Variants in BPIFB3 observed in about 807,000 individuals in gnomAD.
BPIFB3 encodes BPI fold-containing family B member 3.
In BPIFB3, 49 loss-of-function variants were observed where a neutral mutation model predicts 53.1. The observed-to-expected ratio is 0.92, with a 90% CI of 0.73 to 1.17. The LOEUF (loss-of-function observed/expected upper bound fraction) is 1.17. BPIFB3 is among the 50% of genes most tolerant of loss of function. The probability of loss-of-function intolerance (pLI) is 0.00; values close to 1 mark genes in which losing one functional copy is unlikely to be tolerated. For missense variants in BPIFB3, 628 were observed against 592.5 expected (o/e 1.06, Z -0.62); for synonymous variants, 271 against 269.6 (o/e 1.01, Z -0.05).
intron 3 of BPIFB3, 76 bp from the exon 5 acceptor site, chr20:33,059,815 G>A: frequency 1.3e-6 from 2 of 1,554,368 alleles, no homozygotes; most frequent in Non-Finnish European, 1.7e-6. Flanking sequence ...TAGGCCACTG[G>A]CAGGGCCACC....
At chr20:33,070,223 C>T (rs1980829739) in intron 11 of BPIFB3, among the ~76,000 whole-genome samples, 2 of 152,132 alleles carry the variant, frequency 1.3e-5, no homozygotes, top group African/African-American at 4.8e-5. Context: ...AAAGATAAAC[C>T]TGCCGCCAGG....
rs1980521464 is a variant in BPIFB3, at chr20:33,063,098, C to G, written c.592-517C>G. On this transcript the variant is annotated intron_variant, in intron 5 of 14. Transcript: ENST00000375494. The stretch of plus-strand genomic sequence containing the variant: ...TTCTGAAAGTTGAACCACTTGCTCC[C>G]TATTCTCCTAGCACAGGGGTTAGGA... Among the ~76,000 whole-genome samples, 3 of 152,186 alleles carry G rather than the reference C, an allele frequency of 2.0e-5. 1 individual carries two copies. The South Asian group carries it at 6.2e-4, about 32-fold the overall frequency.
At chr20:33,059,400 C>T (rs371677418) in exon 3 of BPIFB3, 28 of 1,612,324 alleles carry the variant, frequency 1.7e-5, no homozygotes, top group Non-Finnish European at 2.2e-5. Context: ...GGAGCTCACG[C>T]TGCCAAAGGT....
rs113290809 is a variant in BPIFB3 at position 33,069,120 on chromosome 20, C to T, written c.1149+147C>T. Reference sequence around the variant, plus strand: ...CAGGAAGCCCCCCGCCCCACAACCACTGTCATCATCTGGGCTGAGACCCAA... The same window carrying T: ...CAGGAAGCCCCCCGCCCCACAACCATTGTCATCATCTGGGCTGAGACCCAA... On this transcript the variant is annotated intron_variant, in intron 10 of 14. Coordinates refer to ENST00000375494, the Ensembl canonical transcript of BPIFB3. The T allele has an allele frequency of 4.6e-6, 4 of 873,812 alleles. No homozygotes were observed. The African/African-American group carries it at 5.1e-5, about 11-fold the overall frequency. 54.1% of individuals were successfully genotyped at this position (873,812 alleles called of 1,614,324 possible).
exon 10 of BPIFB3, chr20:33,068,818 C>T (rs751671844): frequency 1.9e-6 from 3 of 1,613,694 alleles, no homozygotes; most frequent in East Asian, 2.2e-5. Context: ...GGGGAAGCTG[C>T]CCCTGCACCA....
exon 8 of BPIFB3, chr20:33,064,770 A>G (rs1189146707): frequency 1.2e-6 from 2 of 1,613,954 alleles, no homozygotes; most frequent in African/African-American, 2.7e-5. Flanking sequence ...TGATGGTGCC[A>G]CTGTACCTCT....
At chr20:33,070,056 T>A in intron 11 of BPIFB3, 101 bp downstream of exon 12, 1 of 1,378,422 alleles carries the variant, frequency 7.3e-7, no homozygotes. Context: ...TCAGCGCAAT[T>A]CCAGGTGTTT....
At chr20:33,063,387 C>T (rs923156463) in intron 5 of BPIFB3, among the ~76,000 whole-genome samples, 5 of 152,144 alleles carry the variant, frequency 3.3e-5, no homozygotes, top group Non-Finnish European at 7.4e-5. Flanking sequence ...TCTAATGGGG[C>T]TCTTGTAACC....
rs552848452 is a variant in BPIFB3, at chr20:33,068,341, T to A, written c.979-462T>A. ...CCTCAGTGAGGAGGTAACATTTGAGTGAAGGAGGTGAGTGAGGGAACTTTG... is the reference window on the plus strand; with the variant it reads ...CCTCAGTGAGGAGGTAACATTTGAGAGAAGGAGGTGAGTGAGGGAACTTTG... On this transcript the variant is annotated intron_variant, in intron 9 of 14. Coordinates refer to ENST00000375494, the Ensembl canonical transcript of BPIFB3. 6.3e-4 allele frequency among the ~76,000 whole-genome samples: 96 copies of A among 151,932 alleles called. 1 individual carries two copies. The highest frequency in any genetic ancestry group is 2.9e-3 in the Admixed American group (44 of 15,264).
chr20:33,059,257 G>T, intron 2 of BPIFB3, 121 bp from the exon 4 acceptor site: 1 of 666,824 alleles, frequency 1.5e-6, no homozygotes, highest in Non-Finnish European at 2.7e-6. Flanking sequence ...ATGGGCCAAG[G>T]GCTCGCAGCT....
chr20:33,073,623 C>T, exon 15 of BPIFB3: 1 of 1,613,826 alleles, frequency 6.2e-7, no homozygotes, highest in Non-Finnish European at 8.5e-7. Flanking sequence ...ACATGGCCAC[C>T]AGCCTTCCCT....
chr20:33,054,589 T>A (rs950232032), upstream of BPIFB3, among the ~76,000 whole-genome samples: 1 of 151,916 alleles, frequency 6.6e-6, no homozygotes, highest in Non-Finnish European at 1.5e-5. Context: ...GCAAAGGCCC[T>A]GGGGTGGGAA....
intron 9 of BPIFB3, among the ~76,000 whole-genome samples, chr20:33,067,282 T>C (rs982093458): frequency 1.3e-5 from 2 of 152,240 alleles, no homozygotes; most frequent in African/African-American, 4.8e-5. Context: ...TAGGTCTCAC[T>C]AGTGGACATA....
intron 5 of BPIFB3, 121 bp downstream of exon 6, chr20:33,061,952 C>A: frequency 8.6e-7 from 1 of 1,167,392 alleles, no homozygotes; most frequent in Non-Finnish European, 1.2e-6. Flanking sequence ...CCACACCCAC[C>A]TGGTAATCCC....
chr20:33,064,915 G>T, intron 8 of BPIFB3, 70 bp downstream of exon 9: 1 of 1,518,108 alleles, frequency 6.6e-7, no homozygotes, highest in South Asian at 1.2e-5. Context: ...TACTAGTGTT[G>T]ACCTAGGCCC....
At chr20:33,061,775 C>T in exon 5 of BPIFB3, 1 of 1,614,206 alleles carries the variant, frequency 6.2e-7, no homozygotes, top group Non-Finnish European at 8.5e-7. Context: ...CAGGCTGCTG[C>T]CCACACCACT....
chr20:33,056,595 G>A (rs138897849), exon 2 of BPIFB3: 2 of 1,614,044 alleles, frequency 1.2e-6, no homozygotes, highest in South Asian at 1.1e-5. Flanking sequence ...GCTGGGATCG[G>A]TCACAGCTGT....
intron 8 of BPIFB3, among the ~76,000 whole-genome samples, chr20:33,065,971 G>A (rs115460639): frequency 9.1e-4 from 139 of 152,356 alleles, no homozygotes; most frequent in African/African-American, 3.0e-3. Context: ...GTGTAAGAAC[G>A]TGCATGTCTG....
chr20:33,069,071 G>A, intron 10 of BPIFB3, 98 bp downstream of exon 11: 2 of 1,382,544 alleles, frequency 1.4e-6, no homozygotes, highest in Non-Finnish European at 2.0e-6. Flanking sequence ...TGATTTCAGG[G>A]TGGGAGCCCC....
Sources: gnomAD v4.1 joint callset for allele counts (sites outside exome capture counted in the v4.1 genomes callset) on GRCh38, gnomAD v4.1.1 for gene constraint, MANE v1.5 for transcripts, NCBI Gene and HGNC (gene_info 2026-07-23, HGNC 2026-07-21) for gene names.